The following MAGI2 variants were observed in gnomAD, a reference collection of about 807,000 sequenced individuals.
MAGI2 encodes membrane associated guanylate kinase, WW and PDZ domain containing 2.
In MAGI2, 35 loss-of-function variants were observed where a neutral mutation model predicts 133.3. The observed-to-expected ratio is 0.26, with a 90% CI of 0.20 to 0.35. MAGI2 has a LOEUF of 0.35. MAGI2 is among the 10% of genes least tolerant of loss of function. MAGI2 has a pLI of 1.00. For missense variants in MAGI2, 1,636 were observed against 1,863.4 expected (o/e 0.88, Z 2.25); for synonymous variants, 729 against 710.6 (o/e 1.03, Z -0.41).
At position 78,550,718 on chromosome 7, in the gene MAGI2, A is replaced by T. The variant is rs1036311230; in HGVS notation, c.539-29073T>A. On this transcript the variant is annotated intron_variant, in intron 3 of 21. Transcript: ENST00000354212. ...TGTCATATCCCCTCCATGCAAACTC[A>T]TGAGAGAATACTGTTAGTGTTGAGC... is the stretch of plus-strand genomic sequence containing the variant. 2.0e-4 allele frequency among the ~76,000 whole-genome samples: 31 copies of T among 151,460 alleles called. 1 individual carries two copies. Among genetic ancestry groups the T allele is most frequent in the Non-Finnish European group, 5.9e-5 (4 of 67,916 alleles).
At chr7:78,536,103 CTTTTTT>C (rs544655465) in intron 3 of MAGI2, among the ~76,000 whole-genome samples, 141 of 59,930 alleles carry the variant, frequency 2.4e-3, no homozygotes, top group South Asian at 5.2e-3. Context: ...ATGAATTAAA[CTTTTTT>C]TTTTTTTTTT....
At chr7:79,102,899 A>G (rs1292600470) in intron 1 of MAGI2, among the ~76,000 whole-genome samples, 1 of 152,190 alleles carries the variant, frequency 6.6e-6, no homozygotes, top group Non-Finnish European at 1.5e-5. Context: ...ATTTTTAAGT[A>G]AGGGAGGTGA....
intron 1 of MAGI2, among the ~76,000 whole-genome samples, chr7:79,128,178 T>C (rs116351399): frequency 0.015 from 2,280 of 152,148 alleles, 63 homozygotes; most frequent in African/African-American, 0.052. Context: ...ACTTAACCAA[T>C]CTCTCTCCTT....
chr7:78,688,977 C>A (rs1417585796), intron 2 of MAGI2, among the ~76,000 whole-genome samples: 1 of 152,142 alleles, frequency 6.6e-6, no homozygotes, highest in Non-Finnish European at 1.5e-5. Context: ...CATTATTTTT[C>A]AGTACTCTCT....
At chr7:78,297,718 C>T (rs1220666368) in intron 9 of MAGI2, among the ~76,000 whole-genome samples, 2 of 151,392 alleles carry the variant, frequency 1.3e-5, no homozygotes, top group Admixed American at 1.3e-4. Flanking sequence ...TCTCAGTAAA[C>T]TGTCACAAGA....
intron 1 of MAGI2, among the ~76,000 whole-genome samples, chr7:79,111,829 G>A (rs1363832045): frequency 1.3e-5 from 2 of 152,102 alleles, no homozygotes; most frequent in East Asian, 3.9e-4. Context: ...ACCATGCCTG[G>A]CTAATTTTTT....
intron 9 of MAGI2, among the ~76,000 whole-genome samples, chr7:78,342,857 T>C (rs1178308278): frequency 6.6e-6 from 1 of 152,134 alleles, no homozygotes; most frequent in Admixed American, 6.5e-5. Flanking sequence ...ATACCTAATG[T>C]AGATGACAGT....
intron 3 of MAGI2, among the ~76,000 whole-genome samples, chr7:78,622,538 T>C (rs781461359): frequency 2.0e-5 from 3 of 152,032 alleles, no homozygotes; most frequent in Non-Finnish European, 2.9e-5. Context: ...AGCACAGAAT[T>C]CTGTATATCC....
Position 78,332,757 on chromosome 7 carries a change from C to A in MAGI2, c.1408+11021G>T, listed in dbSNP as rs566287083. Among the ~76,000 whole-genome samples the A allele has an allele frequency of 6.0e-5, 9 of 150,856 alleles. No individual in the cohort carries two copies. In the East Asian group the frequency reaches 1.8e-3, roughly 29 times the overall value. Reference sequence around the variant, plus strand: ...TAGAAAGTGTTCAGTGCTGCTCTCACCCTCACTGTGAGAGGTCATGTTATT... The same window carrying A: ...TAGAAAGTGTTCAGTGCTGCTCTCAACCTCACTGTGAGAGGTCATGTTATT... On this transcript the variant is annotated intron_variant, in intron 9 of 21. Transcript: ENST00000354212.
intron 18 of MAGI2, 150 bp from the exon 19 acceptor site, chr7:78,127,566 G>C: frequency 1.6e-6 from 1 of 608,762 alleles, no homozygotes; most frequent in Non-Finnish European, 2.8e-6. Flanking sequence ...ATTATGAGAA[G>C]GTTAAATATT....
chr7:79,380,975 C>CA (rs897103724), intron 1 of MAGI2, among the ~76,000 whole-genome samples: 2 of 151,482 alleles, frequency 1.3e-5, no homozygotes, highest in Admixed American at 1.3e-4. Context: ...CTCTCTTTTT[C>CA]AAAAAAACTG....
At chr7:79,206,204 T>TA (rs543132226) in intron 1 of MAGI2, among the ~76,000 whole-genome samples, 8,446 of 140,744 alleles carry the variant, frequency 0.06, 798 homozygotes, top group African/African-American at 0.2. Context: ...CCAAAGTTAG[T>TA]AAAAAAAAAA....
chr7:79,257,160 G>T (rs1670846743), intron 1 of MAGI2, among the ~76,000 whole-genome samples: 1 of 151,474 alleles, frequency 6.6e-6, no homozygotes, highest in Admixed American at 6.6e-5. Flanking sequence ...TTATCTATCA[G>T]TTATAATAAT....
intron 6 of MAGI2, among the ~76,000 whole-genome samples, chr7:78,393,182 T>G (rs1440281459): frequency 6.6e-6 from 1 of 152,128 alleles, no homozygotes; most frequent in Non-Finnish European, 1.5e-5. Context: ...AGGTGGGTGT[T>G]GCTTCTCACC....
intron 1 of MAGI2, among the ~76,000 whole-genome samples, chr7:79,142,595 G>T (rs912751292): frequency 6.6e-6 from 1 of 152,098 alleles, no homozygotes; most frequent in Non-Finnish European, 1.5e-5. Flanking sequence ...TGTGAATAAT[G>T]ACAATTACAT....
At chr7:78,164,251 T>G (rs1825397992) in intron 15 of MAGI2, among the ~76,000 whole-genome samples, 1 of 150,128 alleles carries the variant, frequency 6.7e-6, no homozygotes, top group Admixed American at 6.7e-5. Context: ...AGGATGTGCC[T>G]GGGTCTCTTC....
chr7:79,337,660 TA>T lies in MAGI2; in HGVS notation c.301+115359del, dbSNP rs560216065. Among the ~76,000 whole-genome samples, 15 of 152,138 alleles carry T rather than the reference TA, an allele frequency of 9.9e-5. No homozygotes were observed. In the South Asian group the frequency reaches 2.9e-3, roughly 29 times the overall value. On this transcript the variant is annotated intron_variant, in intron 1 of 21. Transcript: ENST00000354212. ...CTTAGGTATCTATTTGATCACCTCTTAAAAAAATACAATAGTGAGAATCTGC... is the reference window on the plus strand; with the variant it reads ...CTTAGGTATCTATTTGATCACCTCTTAAAAAATACAATAGTGAGAATCTGC...
At chr7:78,703,196 T>G (rs1360127053) in intron 2 of MAGI2, among the ~76,000 whole-genome samples, 2 of 152,030 alleles carry the variant, frequency 1.3e-5, no homozygotes, top group Admixed American at 1.3e-4. Flanking sequence ...AATAGTAGCT[T>G]TCAATGAATA....
chr7:78,649,687 T>A (rs886460370), intron 2 of MAGI2, among the ~76,000 whole-genome samples: 1 of 152,078 alleles, frequency 6.6e-6, no homozygotes, highest in East Asian at 1.9e-4. Flanking sequence ...TATCCCTAGG[T>A]CTATAAAGCC....
Sources: gnomAD v4.1 joint callset for allele counts (sites outside exome capture counted in the v4.1 genomes callset) on GRCh38, gnomAD v4.1.1 for gene constraint, MANE v1.5 for transcripts, NCBI Gene and HGNC (gene_info 2026-07-23, HGNC 2026-07-21) for gene names.